UNC13C: variants seen among roughly 807,000 people sequenced by gnomAD.
The protein encoded by UNC13C is protein unc-13 homolog C.
A neutral mutation model predicts 245.4 loss-of-function variants in UNC13C; 174 were observed. The observed-to-expected ratio is 0.71, with a 90% CI of 0.63 to 0.80. UNC13C has a LOEUF of 0.80. Among genes scored for constraint, UNC13C ranks in the 30% least tolerant of loss-of-function variants. The pLI is 0.00. For missense variants in UNC13C, 2,829 were observed against 2,602.9 expected (o/e 1.09, Z -1.89); for synonymous variants, 992 against 895.1 (o/e 1.11, Z -1.93).
intron 18 of UNC13C, among the ~76,000 whole-genome samples, chr15:54,395,720 G>A (rs2040056908): frequency 6.6e-6 from 1 of 151,754 alleles, no homozygotes; most frequent in Admixed American, 6.6e-5. Flanking sequence ...ATGAGTTTGA[G>A]AAATCATTGT....
chr15:54,147,939 C>T (rs751671371), intron 4 of UNC13C, among the ~76,000 whole-genome samples: 12 of 152,104 alleles, frequency 7.9e-5, no homozygotes, highest in Non-Finnish European at 1.6e-4. Context: ...TCTTTCTTCA[C>T]TAGTCATTGA....
At chr15:54,466,652 A>T (rs1393205380) in intron 19 of UNC13C, among the ~76,000 whole-genome samples, 1 of 151,888 alleles carries the variant, frequency 6.6e-6, no homozygotes, top group East Asian at 1.9e-4. Context: ...CTTTTGGCAA[A>T]TAAAAACAGA....
At chr15:54,468,396 A>G (rs778410694) in intron 19 of UNC13C, among the ~76,000 whole-genome samples, 2 of 151,492 alleles carry the variant, frequency 1.3e-5, no homozygotes, top group African/African-American at 2.4e-5. Flanking sequence ...TTGTCTCCCA[A>G]TCCATGGGTT....
intron 28 of UNC13C, among the ~76,000 whole-genome samples, chr15:54,550,305 A>G (rs897716201): frequency 6.6e-6 from 1 of 152,162 alleles, no homozygotes; most frequent in Non-Finnish European, 1.5e-5. Context: ...GGGCCAAAGT[A>G]TTTAACCTCC....
chr15:54,014,528 T>C lies in UNC13C; in HGVS notation c.1625T>C (p.Phe542Ser), dbSNP rs771670957. 10 of 1,613,872 alleles carry C rather than the reference T, an allele frequency of 6.2e-6. No individual in the cohort carries two copies. The South Asian group carries it at 8.8e-5, about 14-fold the overall frequency. The change falls in exon 2 of 33, where the codon TTC (phenylalanine) becomes TCC (serine). Residue 542 changes from phenylalanine to serine, a missense_variant. Coordinates refer to ENST00000260323, the MANE Select transcript of UNC13C (RefSeq NM_001080534.3). ...TPLWHSQSDF[F>S]TAKLSRSESD... is the part of the protein sequence containing the mutation. ...CTCTGGCACTCACAGAGTGATTTTTTCACTGCTAAACTTAGTCGTTCTGAA... is the reference window on the plus strand; with the variant it reads ...CTCTGGCACTCACAGAGTGATTTTTCCACTGCTAAACTTAGTCGTTCTGAA...
chr15:54,357,152 C>T (rs972547482), intron 17 of UNC13C, among the ~76,000 whole-genome samples: 48 of 151,942 alleles, frequency 3.2e-4, no homozygotes, highest in Admixed American at 3.9e-4. Flanking sequence ...AAATCTCATC[C>T]GATCTTTCCG....
intron 7 of UNC13C, 142 bp downstream of exon 7, chr15:54,237,832 CCAAA>C: frequency 1.5e-6 from 1 of 686,022 alleles, no homozygotes. Flanking sequence ...AAGCCTGACT[CCAAA>C]CAAACTTCCT....
intron 13 of UNC13C, among the ~76,000 whole-genome samples, chr15:54,318,539 C>G (rs1201261999): frequency 6.6e-6 from 1 of 151,820 alleles, no homozygotes; most frequent in East Asian, 1.9e-4. Flanking sequence ...TGAAAACTGC[C>G]TATGTGGGTC....
the UNC13C span, among the ~76,000 whole-genome samples, chr15:53,846,544 ATTTAC>A: frequency 6.8e-3 from 1,030 of 152,284 alleles, 6 homozygotes; most frequent in Non-Finnish European, 9.7e-3. Flanking sequence ...AAATTTTAGT[ATTTAC>A]TTTACAGAGT....
At chr15:54,360,162 A>G (rs112222715) in intron 17 of UNC13C, among the ~76,000 whole-genome samples, 2 of 152,134 alleles carry the variant, frequency 1.3e-5, no homozygotes, top group African/African-American at 4.8e-5. Flanking sequence ...GTAATCAGAA[A>G]TGATACTTGA....
chr15:54,389,790 A>T (rs2140911851), intron 17 of UNC13C, among the ~76,000 whole-genome samples: 1 of 151,356 alleles, frequency 6.6e-6, no homozygotes, highest in African/African-American at 2.4e-5. Flanking sequence ...GTGCAGTGGC[A>T]CAATCTTGGC....
intron 28 of UNC13C, 59 bp from the exon 29 acceptor site, chr15:54,555,373 A>G: frequency 1.4e-6 from 2 of 1,392,324 alleles, no homozygotes; most frequent in Non-Finnish European, 2.0e-6. Flanking sequence ...TATGTTTTCA[A>G]GTAGTTGTTG....
intron 24 of UNC13C, among the ~76,000 whole-genome samples, chr15:54,519,500 CTCTT>C (rs1038965615): frequency 1.3e-5 from 2 of 152,088 alleles, no homozygotes; most frequent in African/African-American, 4.8e-5. Context: ...ACTGCATACT[CTCTT>C]TAATTAGGAT....
At position 54,013,818 on chromosome 15, in the gene UNC13C, C is replaced by T; in HGVS notation, c.915C>T (p.Ile305=). The T allele has an allele frequency of 6.2e-7, 1 of 1,612,050 alleles. No homozygotes were observed. The highest frequency in any genetic ancestry group is 8.5e-7 in the Non-Finnish European group (1 of 1,179,286). Residue 305 remains isoleucine, a synonymous_variant, in exon 2 of 33, where the codon ATC becomes ATT. Coordinates refer to ENST00000260323, the MANE Select transcript of UNC13C (RefSeq NM_001080534.3). ...AGTCTCGGAGGGAAACTAGAGACAT[C>T]CATGATTATATTAAGCACTTAGGTC... The part of the protein sequence containing the change: ...FVQSRRETRD[I]HDYIKHLGHM...
At chr15:53,946,252 C>A in the UNC13C span, among the ~76,000 whole-genome samples, 6 of 151,876 alleles carry the variant, frequency 4.0e-5, no homozygotes, top group African/African-American at 1.5e-4. Context: ...TTGCTTTGGC[C>A]AGGACTTCTA....
intron 17 of UNC13C, among the ~76,000 whole-genome samples, chr15:54,355,504 G>A (rs996161885): frequency 2.6e-5 from 4 of 151,766 alleles, no homozygotes; most frequent in Non-Finnish European, 4.4e-5. Flanking sequence ...CTACAGGCAC[G>A]CACCACCAAA....
At chr15:54,416,862 A>G in intron 19 of UNC13C, 1 of 455,816 alleles carries the variant, frequency 2.2e-6, no homozygotes, top group South Asian at 1.6e-5. Context: ...GTTATCATTG[A>G]TTCCTTTATT....
the UNC13C span, among the ~76,000 whole-genome samples, chr15:53,942,995 T>G: frequency 6.6e-6 from 1 of 152,344 alleles, no homozygotes; most frequent in South Asian, 2.1e-4. Context: ...ATCTTATTTA[T>G]GAAATCTTTC....
intron 2 of UNC13C, among the ~76,000 whole-genome samples, chr15:54,031,378 C>G (rs951940225): frequency 2.0e-5 from 3 of 152,170 alleles, no homozygotes; most frequent in South Asian, 2.1e-4. Flanking sequence ...CAGCCGCCAC[C>G]GCGCCTGGCT....
Sources: allele counts gnomAD v4.1 joint callset (sites outside exome capture counted in the v4.1 genomes callset), GRCh38; gene constraint gnomAD v4.1.1; transcripts MANE v1.5; gene names NCBI Gene and HGNC (gene_info 2026-07-23, HGNC 2026-07-21).